ACOT11: variants seen among roughly 807,000 people sequenced by gnomAD.
ACOT11 encodes the protein acyl-CoA thioesterase 11.
Under a neutral mutation model 77.5 loss-of-function variants are expected in ACOT11, and 69 were observed. The observed-to-expected ratio is 0.89, with a 90% confidence interval of 0.73 to 1.09. The LOEUF (loss-of-function observed/expected upper bound fraction) is 1.09, where lower values mean the gene tolerates loss of function less well. Among genes scored for constraint, ACOT11 ranks in the 50% least tolerant of loss-of-function variants. ACOT11 has a pLI of 0.00. For synonymous variants in ACOT11, 279 were observed against 313.0 expected, an observed-to-expected ratio of 0.89 and a Z score of 1.15; for missense variants, 766 against 813.7, an observed-to-expected ratio of 0.94 and a Z score of 0.71.
intron 16 of ACOT11, among the ~76,000 whole-genome samples, chr1:54,631,981 C>T (rs533327939): frequency 6.6e-6 from 1 of 152,192 alleles, no homozygotes; most frequent in African/African-American, 2.4e-5. Flanking sequence ...AATGGCAGGA[C>T]TGAGAGTGGA....
intron 16 of ACOT11, among the ~76,000 whole-genome samples, chr1:54,632,925 A>T (rs1644309037): frequency 6.6e-6 from 1 of 152,110 alleles, no homozygotes; most frequent in Non-Finnish European, 1.5e-5. Flanking sequence ...TGTACCTATA[A>T]ATTTATGGGG....
chr1:54,572,922 G>C, intron 1 of ACOT11: 1 of 985,430 alleles, frequency 1.0e-6, no homozygotes, highest in African/African-American at 1.7e-5. Flanking sequence ...CCCACTCTGA[G>C]AGCTGAGAAT....
intron 1 of ACOT11, among the ~76,000 whole-genome samples, chr1:54,563,674 G>A (rs528649221): frequency 6.6e-6 from 1 of 152,278 alleles, no homozygotes; most frequent in Non-Finnish European, 1.5e-5. Context: ...TGTAGTCCCA[G>A]CACTTTGGGA....
chr1:54,572,843 A>G (rs1401611524), intron 1 of ACOT11: 1 of 787,310 alleles, frequency 1.3e-6, no homozygotes, highest in African/African-American at 1.9e-5. Flanking sequence ...GACAGCCACC[A>G]GAGGCAGTGT....
chr1:54,584,683 C>T lies in ACOT11; in HGVS notation c.62C>T (p.Thr21Ile), dbSNP rs750761110. 5.6e-6 allele frequency: 9 copies of T among 1,614,202 alleles called. No individual in the cohort carries two copies. Among genetic ancestry groups the T allele is most frequent in the South Asian group, 1.1e-5 (1 of 91,084 alleles). The change falls in exon 2 of 16, where the codon ACA becomes ATA. Residue 21 changes from threonine (T) to isoleucine (I), a missense_variant. Transcript: ENST00000343744. The surrounding 1 kb of genome is among the most constrained non-coding windows in gnomAD (Gnocchi z 6.3). ...RGLASVFSNR[T>I]SRKSALRAGN... Reference sequence around the variant, plus strand: ...TTGGCCTCTGTGTTCTCCAACCGCACATCCCGGAAGTCAGCCTTACGTGCG... The same window carrying T: ...TTGGCCTCTGTGTTCTCCAACCGCATATCCCGGAAGTCAGCCTTACGTGCG...
intron 15 of ACOT11, among the ~76,000 whole-genome samples, chr1:54,630,378 G>T (rs1644292863): frequency 6.6e-6 from 1 of 152,164 alleles, no homozygotes; most frequent in East Asian, 1.9e-4. Context: ...TGCCCATAAT[G>T]GCCCTAATGC....
chr1:54,615,614 G>C (rs549634210), intron 15 of ACOT11, among the ~76,000 whole-genome samples: 1 of 152,158 alleles, frequency 6.6e-6, no homozygotes, highest in Non-Finnish European at 1.5e-5. Context: ...CTGAGTTGCC[G>C]TGAGGATGAG....
At chr1:54,605,837 T>G (rs1644018068) in intron 13 of ACOT11, among the ~76,000 whole-genome samples, 1 of 152,246 alleles carries the variant, frequency 6.6e-6, no homozygotes, top group African/African-American at 2.4e-5. Flanking sequence ...AAATATGTTC[T>G]TAGGAAAATA....
Position 54,597,269 on chromosome 1 carries a change from C to G in ACOT11, c.618C>G (p.Ser206Arg). Residue 206 changes from serine to arginine, a missense_variant, in exon 7 of 16, where the codon AGC (serine) becomes AGG (arginine). Ser to Arg is a moderately radical substitution (Grantham distance 110). Coordinates refer to ENST00000343744, the MANE Select transcript of ACOT11 (RefSeq NM_147161.4). Reference sequence around the variant, plus strand: ...CCCATCCCTGGTCAGATCTGGAGAGCAGAGACTGTAGCCGCATGGTGCCGG... The same window carrying G: ...CCCATCCCTGGTCAGATCTGGAGAGGAGAGACTGTAGCCGCATGGTGCCGG... ...ANCAIQGDLE[S>R]RDCSRMVPAE... is the part of the protein sequence containing the mutation. The G allele has an allele frequency of 6.2e-7, 1 of 1,612,492 alleles. No individual in the cohort carries two copies. The highest frequency in any genetic ancestry group is 8.5e-7 in the Non-Finnish European group (1 of 1,180,018).
chr1:54,618,000 T>C (rs1569795871), intron 15 of ACOT11, among the ~76,000 whole-genome samples: 1 of 152,140 alleles, frequency 6.6e-6, no homozygotes, highest in African/African-American at 2.4e-5. Context: ...CTGCTGGAAT[T>C]ACAGGCATGA....
rs193076101 is a variant in ACOT11, at chr1:54,604,111, C to T, written c.1152+174C>T. Among the ~76,000 whole-genome samples, 36 of 152,252 alleles carry T rather than the reference C, an allele frequency of 2.4e-4. 2 individuals carry two copies. Among genetic ancestry groups the T allele is most frequent in the Middle Eastern group, 6.8e-3 (2 of 294 alleles). ...TGCGTCCCTGTTTGGTAGGTGGAAG[C>T]GGAGACCCTGAGAGGCAGAGTAGCT... On this transcript the variant is annotated intron_variant, in intron 11 of 15. Transcript: ENST00000343744.
chr1:54,554,349 A>T (rs71503622), intron 1 of ACOT11, among the ~76,000 whole-genome samples: 1,764 of 79,088 alleles, frequency 0.022, 39 homozygotes, highest in Non-Finnish European at 0.034. Context: ...ATATATATAT[A>T]TATTTTTTTT....
intron 1 of ACOT11, among the ~76,000 whole-genome samples, chr1:54,572,346 C>G (rs964187792): frequency 2.0e-5 from 3 of 152,054 alleles, no homozygotes; most frequent in Non-Finnish European, 2.9e-5. Flanking sequence ...ATGGTAGGGC[C>G]CGGGTCCATT....
rs1409986396 is a variant in ACOT11 at position 54,605,065 on chromosome 1, A to G, written c.1237-11A>G. On this transcript the variant is annotated splice_polypyrimidine_tract_variant and intron_variant, in intron 12 of 15. Coordinates refer to ENST00000343744, the MANE Select transcript of ACOT11 (RefSeq NM_147161.4). ...CACCCAGCAAATGAGGCTGCCCTCT[A>G]TCCCATGCAGGTCCGCCTGTACACT... 6.2e-7 allele frequency: 1 copy of G among 1,611,054 alleles called. No individual in the cohort carries two copies. The highest frequency in any genetic ancestry group is 8.5e-7 in the Non-Finnish European group (1 of 1,178,884).
intron 15 of ACOT11, among the ~76,000 whole-genome samples, chr1:54,617,156 TCTTCTGATTCCTGCCTTCA>T (rs1314119621): frequency 7.9e-5 from 12 of 152,196 alleles, no homozygotes; most frequent in Non-Finnish European, 8.8e-5. Context: ...CAGGTGGACA[TCTTCTGATTCCTGCCTTCA>T]AGAATTCAGT....
chr1:54,617,284 G>A (rs554902752), intron 15 of ACOT11, among the ~76,000 whole-genome samples: 2 of 152,022 alleles, frequency 1.3e-5, no homozygotes, highest in Non-Finnish European at 2.9e-5. Flanking sequence ...GAGAGGGGCC[G>A]CTTTTGGCCC....
Position 54,570,115 on chromosome 1 carries a change from C to G in ACOT11, c.34-14540C>G, listed in dbSNP as rs116801130. Among the ~76,000 whole-genome samples, 698 of 152,310 alleles carry G rather than the reference C, an allele frequency of 4.6e-3. 7 individuals carry two copies. Among genetic ancestry groups the G allele is most frequent in the African/African-American group, 0.016 (673 of 41,562 alleles). ...CCGAGCTGCTTTCTAGTGACTGTTG[C>G]CTTCTATTCCAATAATCCATTTCCC... On this transcript the variant is annotated intron_variant, in intron 1 of 15. Coordinates refer to ENST00000343744, the MANE Select transcript of ACOT11 (RefSeq NM_147161.4).
intron 7 of ACOT11, chr1:54,598,605 C>T (rs996914468): frequency 4.6e-5 from 7 of 152,254 alleles, no homozygotes; most frequent in Admixed American, 3.9e-4. Flanking sequence ...AATCCCAGCG[C>T]TTTGGGAGGC....
At chr1:54,593,331 C>T (rs1654777957) in intron 4 of ACOT11, among the ~76,000 whole-genome samples, 1 of 152,014 alleles carries the variant, frequency 6.6e-6, no homozygotes, top group Non-Finnish European at 1.5e-5. Flanking sequence ...AGCTGGAGTG[C>T]AGTGGTGCCA....
Sources: allele counts gnomAD v4.1 joint callset (sites outside exome capture counted in the v4.1 genomes callset), GRCh38; gene constraint gnomAD v4.1.1; non-coding constraint Gnocchi (gnomAD v3.1); transcripts MANE v1.5; gene names NCBI Gene and HGNC (gene_info 2026-07-23, HGNC 2026-07-21).